MTAP: variants seen among roughly 807,000 people sequenced by gnomAD.
The protein encoded by MTAP is S-methyl-5'-thioadenosine phosphorylase.
A neutral mutation model predicts 33.6 loss-of-function variants in MTAP; 33 were observed. That is an observed-to-expected ratio of 0.98 (90% CI 0.74 to 1.31). MTAP has a LOEUF of 1.31. MTAP is among the 40% of genes most tolerant of loss of function. The pLI, the probability that MTAP is intolerant of heterozygous loss-of-function variation, is 0.00. For missense variants in MTAP, 367 were observed against 360.0 expected, an observed-to-expected ratio of 1.02 and a Z score of -0.16; for synonymous variants, 148 against 125.7, an observed-to-expected ratio of 1.18 and a Z score of -1.19.
At chr9:21,840,478 A>T (rs1825215986) in intron 5 of MTAP, among the ~76,000 whole-genome samples, 1 of 152,222 alleles carries the variant, frequency 6.6e-6, no homozygotes, top group South Asian at 2.1e-4. Flanking sequence ...CACTGGGGAA[A>T]TCTAAAAATC....
At chr9:21,926,222 G>C (rs1386845949) in intron 1 of MTAP, among the ~76,000 whole-genome samples, 2 of 152,148 alleles carry the variant, frequency 1.3e-5, no homozygotes, top group Non-Finnish European at 2.9e-5. Flanking sequence ...CCTTGTAGAA[G>C]GCAGCTTCCT....
At chr9:21,872,665 A>C (rs1003662294) in intron 1 of MTAP, among the ~76,000 whole-genome samples, 1 of 152,234 alleles carries the variant, frequency 6.6e-6, no homozygotes, top group Admixed American at 6.5e-5. Context: ...AGAAGAAAAA[A>C]GCAAATTGCA....
At position 21,854,832 on chromosome 9, in the gene MTAP, G is replaced by T. The variant is rs1268845262; in HGVS notation, c.652G>T (p.Ala218Ser). The T allele has an allele frequency of 3.1e-6, 5 of 1,614,044 alleles. No individual in the cohort carries two copies. Among genetic ancestry groups the T allele is most frequent in the Admixed American group, 1.7e-5 (1 of 60,002 alleles). ...AATTTGTTACGCAAGTATCGCCATG[G>T]CGACAGATTATGACTGCTGGAAGGA... ...AGICYASIAM[A>S]TDYDCWKEHE... Residue 218 changes from alanine to serine, a missense_variant, in exon 6 of 8, where the codon GCG becomes TCG. Ala to Ser is a moderately conservative substitution (Grantham distance 99, BLOSUM62 1). Transcript: ENST00000644715.
At chr9:21,805,473 C>T (rs1824185604) in intron 1 of MTAP, among the ~76,000 whole-genome samples, 3 of 152,168 alleles carry the variant, frequency 2.0e-5, no homozygotes, top group African/African-American at 7.2e-5. Flanking sequence ...AGTGAAACAG[C>T]AGTAAGATTC....
At chr9:21,806,335 C>T (rs1415432962) in intron 1 of MTAP, among the ~76,000 whole-genome samples, 2 of 152,036 alleles carry the variant, frequency 1.3e-5, no homozygotes, top group Non-Finnish European at 2.9e-5. Context: ...AGGATGATTT[C>T]TGCTTTTGAC....
At chr9:21,828,647 C>T (rs1025608759) in intron 4 of MTAP, among the ~76,000 whole-genome samples, 1 of 151,888 alleles carries the variant, frequency 6.6e-6, no homozygotes, top group African/African-American at 2.4e-5. Context: ...TGCACTCCAG[C>T]CTAGGCAACA....
chr9:21,934,595 A>G (rs1332904589), downstream of MTAP: 1 of 152,208 alleles, frequency 6.6e-6, no homozygotes, highest in Non-Finnish European at 1.5e-5. The surrounding 1 kb of genome is among the most constrained non-coding windows in gnomAD (Gnocchi z 5.0). Flanking sequence ...ATCTAAGAGC[A>G]AAAGTGAAAA....
intron 1 of MTAP, among the ~76,000 whole-genome samples, chr9:21,896,613 T>C (rs1422133915): frequency 1.3e-5 from 2 of 152,106 alleles, no homozygotes; most frequent in Non-Finnish European, 2.9e-5. Context: ...AACACCTCTA[T>C]GCAAATAAAC....
rs572498913 is a variant in MTAP at position 21,929,109 on chromosome 9, T to C, written c.148-1899T>C. The stretch of plus-strand genomic sequence containing the variant: ...GGGGCCACTTCACTGCTCCAGTATC[T>C]ATTCCCACAGCCATTAAAGTACCAG... On this transcript the variant is annotated intron_variant, in intron 1 of 1. Coordinates refer to the MTAP transcript ENST00000577563. Among the ~76,000 whole-genome samples the C allele has an allele frequency of 5.9e-5, 9 of 151,980 alleles. No homozygotes were observed. The South Asian group carries it at 1.9e-3, about 32-fold the overall frequency.
chr9:21,854,900 A>T (rs1359493812), intron 6 of MTAP, 30 bp downstream of exon 6: 1 of 1,611,066 alleles, frequency 6.2e-7, no homozygotes, highest in East Asian at 2.2e-5. Context: ...AAGCACATAT[A>T]GCATGGGTTT....
At chr9:21,883,583 T>C (rs1312993226) in intron 1 of MTAP, among the ~76,000 whole-genome samples, 3 of 151,830 alleles carry the variant, frequency 2.0e-5, no homozygotes, top group African/African-American at 7.3e-5. Flanking sequence ...TTAATACCTA[T>C]GATTAAATAG....
intron 6 of MTAP, among the ~76,000 whole-genome samples, chr9:21,855,332 G>A (rs913253771): frequency 6.6e-6 from 1 of 152,232 alleles, no homozygotes; most frequent in African/African-American, 2.4e-5. Flanking sequence ...TCCTTAAGGA[G>A]CCGACATTCT....
intron 1 of MTAP, among the ~76,000 whole-genome samples, chr9:21,875,794 T>G (rs1261659465): frequency 6.6e-6 from 1 of 152,186 alleles, no homozygotes; most frequent in African/African-American, 2.4e-5. Flanking sequence ...AGTCTGTCAT[T>G]GGTGGGCATT....
intron 6 of MTAP, among the ~76,000 whole-genome samples, chr9:21,856,634 T>C (rs1293737646): frequency 2.0e-5 from 3 of 152,166 alleles, no homozygotes; most frequent in Non-Finnish European, 4.4e-5. Context: ...TTTCCTTTAG[T>C]AGCCAAATGA....
chr9:21,915,098 C>G (rs1290034692), intron 1 of MTAP, among the ~76,000 whole-genome samples: 1 of 111,940 alleles, frequency 8.9e-6, no homozygotes, highest in Admixed American at 1.0e-4. Flanking sequence ...TCTTTCTTTT[C>G]TTTCGGCAGA....
intron 1 of MTAP, among the ~76,000 whole-genome samples, chr9:21,926,525 T>G (rs1032319836): frequency 6.6e-6 from 1 of 152,220 alleles, no homozygotes; most frequent in African/African-American, 2.4e-5. Context: ...CTCCCTAGAC[T>G]CATCCTCCCA....
intron 1 of MTAP, among the ~76,000 whole-genome samples, chr9:21,889,306 A>G (rs1818162402): frequency 6.6e-6 from 1 of 151,820 alleles, no homozygotes; most frequent in Admixed American, 6.6e-5. Flanking sequence ...TTATTCTTTT[A>G]ACTTCTTTAA....
chr9:21,857,181 G>A (rs1359681172), intron 6 of MTAP, among the ~76,000 whole-genome samples: 1 of 152,136 alleles, frequency 6.6e-6, no homozygotes, highest in East Asian at 1.9e-4. Context: ...CCAACAGCTG[G>A]AACAAAGAGA....
intron 1 of MTAP, among the ~76,000 whole-genome samples, chr9:21,921,333 AT>A (rs1818784130): frequency 6.6e-6 from 1 of 151,574 alleles, no homozygotes; most frequent in Admixed American, 6.6e-5. Flanking sequence ...TTGTTAATTT[AT>A]TTTTTCAAAA....
Sources: gnomAD v4.1 joint callset for allele counts (sites outside exome capture counted in the v4.1 genomes callset) on GRCh38, gnomAD v4.1.1 for gene constraint, Gnocchi (gnomAD v3.1) non-coding constraint, MANE v1.5 for transcripts, NCBI Gene and HGNC (gene_info 2026-07-23, HGNC 2026-07-21) for gene names.